Variants in DLGAP1 observed in about 807,000 individuals in gnomAD.
DLGAP1 encodes the protein disks large-associated protein 1.
A neutral mutation model predicts 90.8 loss-of-function variants in DLGAP1; 11 were observed. That is an observed-to-expected ratio of 0.12 (90% CI 0.08 to 0.20). DLGAP1 has a LOEUF of 0.20. Among genes scored for constraint, DLGAP1 ranks in the 10% least tolerant of loss-of-function variants. The probability of loss-of-function intolerance (pLI) is 1.00; values close to 1 mark genes in which losing one functional copy is unlikely to be tolerated. For synonymous variants in DLGAP1, 558 were observed against 540.7 expected, an observed-to-expected ratio of 1.03 and a Z score of -0.44; for missense variants, 1,050 against 1,333.8, an observed-to-expected ratio of 0.79 and a Z score of 3.31.
intron 1 of DLGAP1, among the ~76,000 whole-genome samples, chr18:4,181,138 A>T (rs538557218): frequency 6.6e-6 from 1 of 152,328 alleles, no homozygotes; most frequent in East Asian, 1.9e-4. Flanking sequence ...TATAAAATAG[A>T]GTCCTTTGAT....
intron 5 of DLGAP1, among the ~76,000 whole-genome samples, chr18:3,792,026 C>T (rs1244308577): frequency 6.6e-6 from 1 of 152,212 alleles, no homozygotes; most frequent in Non-Finnish European, 1.5e-5. Context: ...CCCCACCCCA[C>T]TATAGCTGGC....
chr18:3,952,370 G>A (rs547851490), intron 3 of DLGAP1, among the ~76,000 whole-genome samples: 1 of 152,138 alleles, frequency 6.6e-6, no homozygotes, highest in African/African-American at 2.4e-5. Flanking sequence ...TATACTCTTG[G>A]GGGGAGGATT....
intron 1 of DLGAP1, among the ~76,000 whole-genome samples, chr18:4,165,563 A>G (rs2076919072): frequency 1.3e-5 from 2 of 152,210 alleles, no homozygotes; most frequent in African/African-American, 4.8e-5. Flanking sequence ...AAATATGGGT[A>G]TATTGTGAGT....
intron 1 of DLGAP1, among the ~76,000 whole-genome samples, chr18:4,195,848 C>T (rs28524661): frequency 0.022 from 3,347 of 152,254 alleles, 106 homozygotes; most frequent in African/African-American, 0.071. Flanking sequence ...CCATCGCGCC[C>T]GGCCTGACTA....
chr18:4,068,813 C>A (rs998845604), intron 2 of DLGAP1, among the ~76,000 whole-genome samples: 1 of 152,110 alleles, frequency 6.6e-6, no homozygotes, highest in African/African-American at 2.4e-5. Context: ...CTGGGGAGCA[C>A]CTTAGAAAAC....
chr18:3,713,956 G>T (rs963109215), intron 7 of DLGAP1, among the ~76,000 whole-genome samples: 4 of 152,150 alleles, frequency 2.6e-5, no homozygotes, highest in Admixed American at 6.5e-5. Context: ...GCCCTATTCT[G>T]AAACACCCAC....
At chr18:3,941,943 G>A (rs983568253) in intron 3 of DLGAP1, among the ~76,000 whole-genome samples, 1 of 152,070 alleles carries the variant, frequency 6.6e-6, no homozygotes, top group Admixed American at 6.6e-5. Context: ...TGAACATCTG[G>A]GCTCAAGCAG....
chr18:4,307,872 C>T (rs1045890968), intron 1 of DLGAP1, among the ~76,000 whole-genome samples: 4 of 152,080 alleles, frequency 2.6e-5, no homozygotes, highest in Admixed American at 6.5e-5. Context: ...TGCGCCACCA[C>T]GCCTGGCCAA....
chr18:4,295,826 T>C (rs1598838458), intron 1 of DLGAP1, among the ~76,000 whole-genome samples: 1 of 152,336 alleles, frequency 6.6e-6, no homozygotes, highest in African/African-American at 2.4e-5. Flanking sequence ...TAAGTGTTAG[T>C]TATTATCATC....
At chr18:3,895,320 CA>C (rs1490097459) in intron 3 of DLGAP1, among the ~76,000 whole-genome samples, 17 of 141,758 alleles carry the variant, frequency 1.2e-4, no homozygotes, top group Middle Eastern at 3.6e-3. Context: ...CACACACACA[CA>C]TCATCATCAT....
intron 2 of DLGAP1, among the ~76,000 whole-genome samples, chr18:4,054,301 C>T (rs1598313458): frequency 6.6e-6 from 1 of 152,246 alleles, no homozygotes; most frequent in South Asian, 2.1e-4. Flanking sequence ...GATGTGGGCT[C>T]TTTTAGAATT....
chr18:4,391,318 C>T (rs1175613154), intron 1 of DLGAP1, among the ~76,000 whole-genome samples: 3 of 152,176 alleles, frequency 2.0e-5, no homozygotes, highest in Non-Finnish European at 4.4e-5. Flanking sequence ...AAGATGTGCT[C>T]AGAAAGTTTG....
chr18:3,778,786 G>A (rs963211670), intron 5 of DLGAP1, among the ~76,000 whole-genome samples: 1 of 152,180 alleles, frequency 6.6e-6, no homozygotes, highest in Non-Finnish European at 1.5e-5. Context: ...TGGGAGAGCT[G>A]GCCAGGAAGC....
intron 1 of DLGAP1, among the ~76,000 whole-genome samples, chr18:4,336,187 A>G (rs2081063928): frequency 6.6e-6 from 1 of 152,228 alleles, no homozygotes; most frequent in Non-Finnish European, 1.5e-5. Flanking sequence ...ACAGAAAAAG[A>G]TACGTATGCA....
At chr18:4,333,590 T>G (rs989834663) in intron 1 of DLGAP1, among the ~76,000 whole-genome samples, 1 of 150,722 alleles carries the variant, frequency 6.6e-6, no homozygotes, top group Non-Finnish European at 1.5e-5. Flanking sequence ...CATGCATGTA[T>G]GAAAGGCGCT....
intron 1 of DLGAP1, among the ~76,000 whole-genome samples, chr18:4,343,303 T>C (rs2081237991): frequency 7.7e-6 from 1 of 129,178 alleles, no homozygotes; most frequent in Non-Finnish European, 1.7e-5. Flanking sequence ...CAACACTCCT[T>C]CTCAAAAAAA....
At chr18:3,620,346 A>G (rs1207341090) in intron 7 of DLGAP1, among the ~76,000 whole-genome samples, 2 of 151,996 alleles carry the variant, frequency 1.3e-5, no homozygotes, top group Non-Finnish European at 2.9e-5. Context: ...GAAGCCCGAA[A>G]AGGACACAGA....
At chr18:4,409,498 C>A (rs1488713729) in intron 1 of DLGAP1, among the ~76,000 whole-genome samples, 2 of 152,094 alleles carry the variant, frequency 1.3e-5, no homozygotes, top group Non-Finnish European at 2.9e-5. Flanking sequence ...ATTTTTCTTT[C>A]TGAAGATAGT....
chr18:3,780,243 G>A (rs2065129922), intron 5 of DLGAP1, among the ~76,000 whole-genome samples: 1 of 152,200 alleles, frequency 6.6e-6, no homozygotes, highest in South Asian at 2.1e-4. Context: ...TTATTATCAT[G>A]TATCTGTATT....
Sources: allele counts gnomAD v4.1 joint callset (sites outside exome capture counted in the v4.1 genomes callset), GRCh38; gene constraint gnomAD v4.1.1; transcripts MANE v1.5; gene names NCBI Gene and HGNC (gene_info 2026-07-23, HGNC 2026-07-21).